Variants in HIVEP3 observed in about 807,000 individuals in gnomAD.
HIVEP3 encodes the protein transcription factor HIVEP3.
A neutral mutation model predicts 152.8 loss-of-function variants in HIVEP3; 49 were observed. That is an observed-to-expected ratio of 0.32 (90% CI 0.26 to 0.41). The LOEUF is 0.41. HIVEP3 is among the 10% of genes least tolerant of loss of function. HIVEP3 has a pLI of 1.00. For missense variants in HIVEP3, 2,790 were observed against 3,103.3 expected, an observed-to-expected ratio of 0.90 and a Z score of 2.40; for synonymous variants, 1,269 against 1,289.0, an observed-to-expected ratio of 0.98 and a Z score of 0.33.
chr1:41,717,803 T>A (rs1261116375), intron 1 of HIVEP3, among the ~76,000 whole-genome samples: 1 of 152,184 alleles, frequency 6.6e-6, no homozygotes, highest in African/African-American at 2.4e-5. Flanking sequence ...ATTTCAGGCA[T>A]GGACCCTGGC....
chr1:41,745,755 G>C (rs774485588), intron 1 of HIVEP3, among the ~76,000 whole-genome samples: 2 of 152,308 alleles, frequency 1.3e-5, no homozygotes, highest in Non-Finnish European at 2.9e-5. Context: ...GCAGGGTTGT[G>C]GGGGTGGGAA....
At chr1:41,863,114 C>T (rs1024941389) in intron 1 of HIVEP3, among the ~76,000 whole-genome samples, 2 of 152,232 alleles carry the variant, frequency 1.3e-5, no homozygotes, top group Non-Finnish European at 2.9e-5. Flanking sequence ...CTGTCACATA[C>T]GTTCCCAGAC....
At chr1:41,830,284 A>G (rs188075506) in intron 1 of HIVEP3, among the ~76,000 whole-genome samples, 30 of 63,936 alleles carry the variant, frequency 4.7e-4, no homozygotes, top group Non-Finnish European at 2.6e-4. Context: ...ATAAGTTGGA[A>G]GTCAGTAAAT....
chr1:41,765,512 C>T (rs1364498202), intron 1 of HIVEP3, among the ~76,000 whole-genome samples: 1 of 152,220 alleles, frequency 6.6e-6, no homozygotes, highest in Admixed American at 6.5e-5. Context: ...CAAGGATCAG[C>T]ATCCTTAAGA....
At chr1:41,600,524 A>G (rs370342697) in intron 3 of HIVEP3, among the ~76,000 whole-genome samples, 5 of 152,332 alleles carry the variant, frequency 3.3e-5, no homozygotes, top group African/African-American at 1.2e-4. Flanking sequence ...ATAGAGACAG[A>G]AAGTCAACTG....
intron 2 of HIVEP3, among the ~76,000 whole-genome samples, chr1:41,692,166 A>G (rs1299659906): frequency 6.6e-6 from 1 of 152,210 alleles, no homozygotes; most frequent in Admixed American, 6.5e-5. Flanking sequence ...TGAGTTGCCT[A>G]ATGTGCGTGT....
At chr1:41,848,509 A>G (rs1224641579) in intron 1 of HIVEP3, 1 of 152,210 alleles carries the variant, frequency 6.6e-6, no homozygotes, top group Non-Finnish European at 1.5e-5. Context: ...CATGTCAATC[A>G]TGGATAGACA....
At chr1:41,856,028 G>T (rs533137777) in intron 1 of HIVEP3, among the ~76,000 whole-genome samples, 1 of 152,216 alleles carries the variant, frequency 6.6e-6, no homozygotes, top group Non-Finnish European at 1.5e-5. Context: ...TGGGACTACA[G>T]GTGCATGCCA....
intron 5 of HIVEP3, among the ~76,000 whole-genome samples, chr1:41,541,615 C>T (rs964793217): frequency 1.3e-5 from 2 of 152,198 alleles, no homozygotes; most frequent in African/African-American, 2.4e-5. Context: ...GAAGCTTCCC[C>T]TGACCCTGAG....
chr1:41,638,982 GAGA>G (rs1176439140), intron 2 of HIVEP3, among the ~76,000 whole-genome samples: 1 of 152,314 alleles, frequency 6.6e-6, no homozygotes, highest in East Asian at 1.9e-4. Context: ...AAAGAAAGTG[GAGA>G]AGAAGGCTGG....
At chr1:41,644,059 TTA>T (rs1645421269) in intron 2 of HIVEP3, among the ~76,000 whole-genome samples, 2 of 151,904 alleles carry the variant, frequency 1.3e-5, no homozygotes, top group Non-Finnish European at 2.9e-5. Flanking sequence ...GCTAATTTTT[TTA>T]TTTTTGTGGA....
At chr1:41,822,026 T>C (rs990833876) in intron 1 of HIVEP3, among the ~76,000 whole-genome samples, 5 of 152,196 alleles carry the variant, frequency 3.3e-5, no homozygotes, top group African/African-American at 4.8e-5. Context: ...ATCATCCTTT[T>C]ATTGCTCCCA....
At chr1:41,595,891 G>A (rs1447989394) in intron 3 of HIVEP3, among the ~76,000 whole-genome samples, 3 of 152,100 alleles carry the variant, frequency 2.0e-5, no homozygotes, top group African/African-American at 4.8e-5. Flanking sequence ...GCTTGCAGAC[G>A]GCCTATTGTG....
intron 1 of HIVEP3, among the ~76,000 whole-genome samples, chr1:41,777,786 C>T (rs894730092): frequency 5.9e-5 from 9 of 152,216 alleles, no homozygotes; most frequent in African/African-American, 1.9e-4. Flanking sequence ...CTACATCCCA[C>T]GTGTGTCATG....
intron 2 of HIVEP3, among the ~76,000 whole-genome samples, chr1:41,700,305 G>T (rs961267872): frequency 6.6e-5 from 10 of 152,216 alleles, no homozygotes; most frequent in Admixed American, 6.5e-4. Context: ...GAGGTCATGA[G>T]AGGGCAGGCA....
chr1:41,616,353 C>T (rs141458859), intron 3 of HIVEP3, among the ~76,000 whole-genome samples: 2 of 152,310 alleles, frequency 1.3e-5, no homozygotes, highest in East Asian at 3.9e-4. Flanking sequence ...AAGGACGTGT[C>T]TTGGCATGTA....
chr1:41,513,551 C>A lies in HIVEP3; in HGVS notation c.5670G>T (p.Leu1890=). The part of the protein sequence containing the change: ...EAPPPGPPHA[L]RADSSPILGP... ...CCAGGATGGGTGAGGAGTCTGCCCG[C>A]AGTGCATGTGGTGGGCCAGGCGGGG... Residue 1890 remains leucine (L), a synonymous_variant, in exon 8 of 9, where the codon CTG becomes CTT. Coordinates refer to ENST00000372583, the MANE Select transcript of HIVEP3 (RefSeq NM_024503.5). 6.2e-7 allele frequency: 1 copy of A among 1,610,650 alleles called. No homozygotes were observed. Among genetic ancestry groups the A allele is most frequent in the South Asian group, 1.1e-5 (1 of 90,680 alleles).
chr1:41,708,288 A>G (rs991161128), intron 1 of HIVEP3, among the ~76,000 whole-genome samples: 1 of 152,214 alleles, frequency 6.6e-6, no homozygotes, highest in Non-Finnish European at 1.5e-5. Flanking sequence ...TCTCTGGGTC[A>G]AGCATCATGT....
At chr1:41,562,607 C>CTT (rs1644089708) in intron 5 of HIVEP3, among the ~76,000 whole-genome samples, 1 of 110,548 alleles carries the variant, frequency 9.0e-6, no homozygotes, top group South Asian at 3.1e-4. Flanking sequence ...TTCTTTCTCT[C>CTT]TCTCTCTCTC....
Sources: gnomAD v4.1 joint callset for allele counts (sites outside exome capture counted in the v4.1 genomes callset) on GRCh38, gnomAD v4.1.1 for gene constraint, MANE v1.5 for transcripts, NCBI Gene and HGNC (gene_info 2026-07-23, HGNC 2026-07-21) for gene names.